Variants in PIWIL2 observed in about 807,000 individuals in gnomAD.
PIWIL2 encodes the protein piwi-like protein 2.
PIWIL2 carries 81 observed loss-of-function variants against 116.5 expected under a neutral mutation model. That is an observed-to-expected ratio of 0.70 (90% CI 0.58 to 0.84). The LOEUF (loss-of-function observed/expected upper bound fraction) is 0.84. Among genes scored for constraint, PIWIL2 ranks in the 40% least tolerant of loss-of-function variants. The pLI is 0.00. For missense variants in PIWIL2, 1,272 were observed against 1,212.3 expected, an observed-to-expected ratio of 1.05 and a Z score of -0.73; for synonymous variants, 489 against 429.5, an observed-to-expected ratio of 1.14 and a Z score of -1.71.
At position 22,354,261 on chromosome 8, in the gene PIWIL2, T is replaced by TC; in HGVS notation, c.2658-8dup. 6.3e-7 allele frequency: 1 copy of TC among 1,578,704 alleles called. No individual in the cohort carries two copies. The highest frequency in any genetic ancestry group is 8.7e-7 in the Non-Finnish European group (1 of 1,147,702). On this transcript the variant is annotated splice_polypyrimidine_tract_variant and intron_variant, in intron 21 of 22. Transcript: ENST00000356766. The stretch of plus-strand genomic sequence containing the variant: ...CGACCATTTCACTGATTTATGGTTT[T>TC]CCTTCCTAGGGTGGATTTCTATCTT...
At chr8:22,339,219 T>C (rs1202621557) in intron 20 of PIWIL2, among the ~76,000 whole-genome samples, 3 of 152,078 alleles carry the variant, frequency 2.0e-5, no homozygotes, top group African/African-American at 7.2e-5. Context: ...ATTAAAACTA[T>C]AAAACTGGCC....
intron 15 of PIWIL2, among the ~76,000 whole-genome samples, 154 bp from the exon 16 acceptor site, chr8:22,310,958 C>A (rs965431869): frequency 6.6e-6 from 1 of 152,164 alleles, no homozygotes; most frequent in Non-Finnish European, 1.5e-5. Flanking sequence ...CCACAGTTTT[C>A]TTATCATGTA....
At chr8:22,323,897 G>A (rs182892861) in intron 20 of PIWIL2, among the ~76,000 whole-genome samples, 161 of 152,126 alleles carry the variant, frequency 1.1e-3, no homozygotes, top group Middle Eastern at 0.01. Context: ...ACCCCTTTAG[G>A]CATCCCATTT....
In PIWIL2 at chr8:22,314,408, G is replaced by A; in HGVS notation, c.2070G>A (p.Val690=). The stretch of plus-strand genomic sequence containing the variant: ...GGGCCATCAAGAAGCTGTGCTGTGT[G>A]CAGTCCCCAGTGCCCTCCCAGGTGA... The part of the protein sequence containing the change: ...LYGAIKKLCC[V]QSPVPSQVVN... Residue 690 remains valine, a synonymous_variant, in exon 17 of 23, where the codon GTG becomes GTA. Transcript: ENST00000356766. The A allele has an allele frequency of 4.4e-6, 7 of 1,581,310 alleles. No homozygotes were observed. The highest frequency in any genetic ancestry group is 1.2e-5 in the South Asian group (1 of 85,868).
chr8:22,354,019 G>A (rs993788420), intron 21 of PIWIL2, among the ~76,000 whole-genome samples: 2 of 151,920 alleles, frequency 1.3e-5, no homozygotes, highest in African/African-American at 2.4e-5. Flanking sequence ...CAAGCAATCT[G>A]CCTGCCTCAG....
At chr8:22,275,740 C>T (rs1440665709) in intron 1 of PIWIL2, 1 of 152,432 alleles carries the variant, frequency 6.6e-6, no homozygotes, top group Non-Finnish European at 1.5e-5. Flanking sequence ...GGATGGGACT[C>T]GCCTTCGGGG....
intron 10 of PIWIL2, among the ~76,000 whole-genome samples, chr8:22,302,996 C>T (rs1831086900): frequency 1.3e-5 from 2 of 152,182 alleles, no homozygotes; most frequent in African/African-American, 2.4e-5. Flanking sequence ...GGGTTCCCAT[C>T]CCTACCCCTA....
chr8:22,353,122 T>C lies in PIWIL2; in HGVS notation c.2567T>C (p.Ile856Thr), dbSNP rs752100390. Residue 856 changes from isoleucine to threonine, a missense_variant, in exon 21 of 23, where the codon ATC becomes ACC. Coordinates refer to ENST00000356766, the MANE Select transcript of PIWIL2 (RefSeq NM_018068.5). ...GTGGTGTTTGTAGTTCAGAAGAAAA[T>C]CAGTACTAATCTATATCTGGCTGCT... ...KMVVFVVQKK[I>T]STNLYLAAPQ... The C allele has an allele frequency of 2.5e-6, 4 of 1,613,962 alleles. No individual in the cohort carries two copies. Among genetic ancestry groups the C allele is most frequent in the African/African-American group, 1.3e-5 (1 of 75,004 alleles).
At chr8:22,281,582 C>A in intron 4 of PIWIL2, 67 bp downstream of exon 4, 2 of 1,290,372 alleles carry the variant, frequency 1.5e-6, no homozygotes, top group Non-Finnish European at 2.1e-6. Flanking sequence ...GTTCAGAGAG[C>A]AACTCTAAGA....
chr8:22,278,180 G>C (rs943241528), intron 1 of PIWIL2, among the ~76,000 whole-genome samples: 1 of 151,266 alleles, frequency 6.6e-6, no homozygotes, highest in South Asian at 2.1e-4. Context: ...AAAAAAAAGG[G>C]GGGGAGGAAA....
rs1346652988 is a variant in PIWIL2 at position 22,355,786 on chromosome 8, C to A, written c.*281C>A. 2 of 394,568 alleles carry A rather than the reference C, an allele frequency of 5.1e-6. No homozygotes were observed. The highest frequency in any genetic ancestry group is 4.0e-5 in the African/African-American group (2 of 49,556). The allele number at this position is 394,568 out of a possible 1,614,324, so 24.4% of individuals were successfully genotyped here. On this transcript the variant is annotated 3_prime_UTR_variant, in exon 23 of 23. Coordinates refer to ENST00000356766, the MANE Select transcript of PIWIL2 (RefSeq NM_018068.5). Reference sequence around the variant, plus strand: ...GGGTGACTCTGGGGGACCATTAAGACCTCCAGACCGGGTGCGGTGGTTCAC... The same window carrying A: ...GGGTGACTCTGGGGGACCATTAAGAACTCCAGACCGGGTGCGGTGGTTCAC...
chr8:22,308,776 A>G (rs770356718), intron 14 of PIWIL2, among the ~76,000 whole-genome samples: 13 of 151,998 alleles, frequency 8.6e-5, no homozygotes, highest in Non-Finnish European at 1.6e-4. Flanking sequence ...AGCCTCCCGA[A>G]TAGTTGGAAT....
intron 20 of PIWIL2, among the ~76,000 whole-genome samples, chr8:22,330,355 C>T (rs570080969): frequency 3.7e-4 from 56 of 152,166 alleles, no homozygotes; most frequent in Admixed American, 7.9e-4. Flanking sequence ...CTCATACTTT[C>T]GTTAAGGTCT....
chr8:22,295,074 G>A (rs991705322), intron 10 of PIWIL2, among the ~76,000 whole-genome samples: 1 of 151,684 alleles, frequency 6.6e-6, no homozygotes, highest in Non-Finnish European at 1.5e-5. Flanking sequence ...GCGAGACTTC[G>A]TCTGGGGGAA....
chr8:22,334,269 C>T lies in PIWIL2; in HGVS notation c.2403+15994C>T, dbSNP rs1831928524. 3.9e-5 allele frequency among the ~76,000 whole-genome samples: 6 copies of T among 151,956 alleles called. No individual in the cohort carries two copies. In the South Asian group the frequency reaches 1.2e-3, roughly 32 times the overall value. Reference sequence around the variant, plus strand: ...GAATTACAGGCGTGAGACACCACGCCTGGCCCTGGGTACAAGGTTCTTTTT... The same window carrying T: ...GAATTACAGGCGTGAGACACCACGCTTGGCCCTGGGTACAAGGTTCTTTTT... On this transcript the variant is annotated intron_variant, in intron 20 of 22. Coordinates refer to ENST00000356766, the MANE Select transcript of PIWIL2 (RefSeq NM_018068.5).
At chr8:22,316,161 T>C in intron 18 of PIWIL2, 84 bp from the exon 19 acceptor site, 1 of 801,990 alleles carries the variant, frequency 1.2e-6, no homozygotes. Context: ...GGGAGGTTGC[T>C]TTGGGATTCA....
chr8:22,316,591 C>G (rs1472180247), intron 19 of PIWIL2, among the ~76,000 whole-genome samples: 1 of 151,884 alleles, frequency 6.6e-6, no homozygotes, highest in Non-Finnish European at 1.5e-5. Context: ...AAGTGATTCT[C>G]CTGCCTCAGC....
intron 20 of PIWIL2, among the ~76,000 whole-genome samples, chr8:22,334,454 G>A (rs535855371): frequency 5.3e-5 from 8 of 151,452 alleles, no homozygotes; most frequent in Non-Finnish European, 7.4e-5. Flanking sequence ...CCTAGGAGGC[G>A]GAGGTTGCAG....
chr8:22,310,176 C>G, intron 15 of PIWIL2, 102 bp downstream of exon 15: 1 of 645,946 alleles, frequency 1.5e-6, no homozygotes, highest in Non-Finnish European at 2.8e-6. Flanking sequence ...AGGGAAAGTA[C>G]CAATTGAATC....
Sources: allele counts gnomAD v4.1 joint callset (sites outside exome capture counted in the v4.1 genomes callset), GRCh38; gene constraint gnomAD v4.1.1; transcripts MANE v1.5; gene names NCBI Gene and HGNC (gene_info 2026-07-23, HGNC 2026-07-21).